Variants in RPS6KA5 observed in about 807,000 individuals in gnomAD.
RPS6KA5 encodes ribosomal protein S6 kinase alpha-5.
A neutral mutation model predicts 85.5 loss-of-function variants in RPS6KA5; 27 were observed. The ratio of observed to expected loss-of-function variants is 0.32; its 90% CI spans 0.23 to 0.44. The LOEUF is 0.44. Ranked by LOEUF, RPS6KA5 falls within the 20% of genes least tolerant of loss-of-function variation. The pLI is 1.00. For synonymous variants in RPS6KA5, 334 were observed against 348.2 expected, an observed-to-expected ratio of 0.96 and a Z score of 0.46; for missense variants, 811 against 980.9, an observed-to-expected ratio of 0.83 and a Z score of 2.31.
chr14:91,017,842 G>A (rs553424138), intron 1 of RPS6KA5, among the ~76,000 whole-genome samples: 2 of 152,344 alleles, frequency 1.3e-5, no homozygotes, highest in African/African-American at 4.8e-5. Flanking sequence ...TGAACTGGAA[G>A]TTAAGACTGC....
chr14:90,873,780 T>C lies in RPS6KA5; in HGVS notation c.2012A>G (p.Asp671Gly), dbSNP rs748949889. 1 of 1,613,960 alleles carries C rather than the reference T, an allele frequency of 6.2e-7. No individual in the cohort carries two copies. Among genetic ancestry groups the C allele is most frequent in the Non-Finnish European group, 8.5e-7 (1 of 1,179,930 alleles). Residue 671 changes from aspartate (D) to glycine (G), a missense_variant, in exon 16 of 17, where the codon GAT becomes GGT. Coordinates refer to ENST00000614987, the MANE Select transcript of RPS6KA5 (RefSeq NM_004755.4). ...KDLIQGLLTVDPNKRLKMSGL... is the reference protein window; with the variant it reads ...KDLIQGLLTVGPNKRLKMSGL... Reference sequence around the variant, plus strand: ...AGACATTTTAAGCCTTTTGTTTGGATCTACTGTGAGAAGTCCTTTGGGAAT... The same window carrying C: ...AGACATTTTAAGCCTTTTGTTTGGACCTACTGTGAGAAGTCCTTTGGGAAT...
In RPS6KA5 at chr14:90,871,276, C is replaced by T. The variant is rs2033092521; in HGVS notation, c.*798G>A. On this transcript the variant is annotated 3_prime_UTR_variant, in exon 17 of 17. Coordinates refer to ENST00000614987, the MANE Select transcript of RPS6KA5 (RefSeq NM_004755.4). Reference sequence around the variant, plus strand: ...AAAAATACAGTGCAAATGCTTTAAACAGTGCACTTTATAAAATAGTTTGCT... The same window carrying T: ...AAAAATACAGTGCAAATGCTTTAAATAGTGCACTTTATAAAATAGTTTGCT... 6.6e-6 allele frequency: 1 copy of T among 152,508 alleles called. No homozygotes were observed. The highest frequency in any genetic ancestry group is 2.4e-5 in the African/African-American group (1 of 41,428). The allele number at this position is 152,508 out of a possible 1,614,324, so 9.4% of individuals were successfully genotyped here.
chr14:91,040,694 T>A (rs2139886101), intron 1 of RPS6KA5, among the ~76,000 whole-genome samples: 1 of 152,080 alleles, frequency 6.6e-6, no homozygotes, highest in Non-Finnish European at 1.5e-5. Flanking sequence ...GTACCAATAT[T>A]TAAGGCACAA....
intron 14 of RPS6KA5, among the ~76,000 whole-genome samples, chr14:90,889,804 G>GGA (rs1343172249): frequency 3.9e-5 from 6 of 152,054 alleles, no homozygotes; most frequent in South Asian, 2.1e-4. Flanking sequence ...GGGGCTGAAG[G>GGA]GAGAGAGAGA....
intron 14 of RPS6KA5, among the ~76,000 whole-genome samples, chr14:90,880,709 G>A (rs539835640): frequency 1.3e-5 from 2 of 151,918 alleles, no homozygotes; most frequent in African/African-American, 4.8e-5. Flanking sequence ...GTCAGTTTTT[G>A]CTTCATGTAC....
chr14:91,054,655 A>T (rs2043236018), intron 1 of RPS6KA5, among the ~76,000 whole-genome samples: 1 of 150,120 alleles, frequency 6.7e-6, no homozygotes. Flanking sequence ...AAAAAAAAAA[A>T]TTAAAGACTT....
chr14:90,964,276 T>A (rs764637212), intron 3 of RPS6KA5, among the ~76,000 whole-genome samples: 1 of 152,202 alleles, frequency 6.6e-6, no homozygotes, highest in Non-Finnish European at 1.5e-5. Flanking sequence ...CGCCTTTTTT[T>A]ATTCCCTGAG....
At chr14:90,911,427 T>G (rs540397004) in intron 7 of RPS6KA5, 1 of 152,290 alleles carries the variant, frequency 6.6e-6, no homozygotes, top group East Asian at 1.9e-4. Context: ...TGTCCTCCAT[T>G]TAAAAGTTCA....
In RPS6KA5 at chr14:90,900,172, T is replaced by A. The variant is rs200091410; in HGVS notation, c.1315A>T (p.Ile439Phe). The part of the protein sequence containing the change: ...DKPLGEGSFS[I>F]CRKCVHKKSN... Reference sequence around the variant, plus strand: ...TTTTTATGCACACACTTTCGACAAATTGAAAAACTACCTTCTCCCAGGGGT... The same window carrying A: ...TTTTTATGCACACACTTTCGACAAAATGAAAAACTACCTTCTCCCAGGGGT... Residue 439 changes from isoleucine to phenylalanine, a missense_variant, in exon 11 of 17, where the codon ATT becomes TTT. Ile to Phe is a conservative substitution (Grantham distance 21). Coordinates refer to ENST00000614987, the MANE Select transcript of RPS6KA5 (RefSeq NM_004755.4). 6.2e-7 allele frequency: 1 copy of A among 1,606,428 alleles called. No individual in the cohort carries two copies.
At chr14:90,950,669 CTGATA>C (rs1288985069) in intron 3 of RPS6KA5, among the ~76,000 whole-genome samples, 5 of 152,242 alleles carry the variant, frequency 3.3e-5, no homozygotes, top group African/African-American at 1.2e-4. Context: ...CTTTATCCTG[CTGATA>C]TGATATATTA....
intron 5 of RPS6KA5, among the ~76,000 whole-genome samples, chr14:90,934,015 A>G (rs529280138): frequency 2.6e-5 from 4 of 152,180 alleles, no homozygotes; most frequent in Non-Finnish European, 5.9e-5. Context: ...TTGATTTCAA[A>G]GTGTAGCCTC....
intron 1 of RPS6KA5, among the ~76,000 whole-genome samples, chr14:91,020,613 A>AG (rs2041718734): frequency 3.9e-4 from 8 of 20,698 alleles, no homozygotes; most frequent in African/African-American, 1.0e-3. Flanking sequence ...TATATATCCT[A>AG]TTGTGTGTGT....
intron 5 of RPS6KA5, among the ~76,000 whole-genome samples, chr14:90,928,131 T>C (rs1227264636): frequency 6.6e-6 from 1 of 151,856 alleles, no homozygotes; most frequent in Admixed American, 6.6e-5. Flanking sequence ...AGTTTTGCTA[T>C]GTTGTCCAGG....
chr14:90,935,809 G>GAAA (rs2037223055), intron 5 of RPS6KA5, among the ~76,000 whole-genome samples: 3 of 152,102 alleles, frequency 2.0e-5, no homozygotes, highest in Non-Finnish European at 4.4e-5. Flanking sequence ...TTAATGATCT[G>GAAA]TTTTGAAAAT....
chr14:90,885,296 T>A (rs1390095562), intron 14 of RPS6KA5, among the ~76,000 whole-genome samples: 1 of 147,428 alleles, frequency 6.8e-6, no homozygotes, highest in Non-Finnish European at 1.5e-5. Flanking sequence ...CTCACACCTG[T>A]AATCCCAGCA....
intron 15 of RPS6KA5, among the ~76,000 whole-genome samples, chr14:90,874,510 C>T (rs1595096076): frequency 6.6e-6 from 1 of 152,110 alleles, no homozygotes; most frequent in African/African-American, 2.4e-5. Context: ...CAGACAGGAC[C>T]AGGTCATGAG....
In RPS6KA5 at chr14:90,872,104, G is replaced by T. The variant is rs774305241; in HGVS notation, c.2379C>A (p.Thr793=). ...SNPADSNNPE[T]LFQFSDSVA is the part of the protein sequence containing the mutation. ...CTACTGAGTCCGAGAACTGGAAGAG[G>T]GTCTCCGGGTTATTGCTGTCGGCAG... Residue 793 remains threonine, a synonymous_variant, in exon 17 of 17, where the codon ACC becomes ACA. Coordinates refer to ENST00000614987, the MANE Select transcript of RPS6KA5 (RefSeq NM_004755.4). 6.2e-7 allele frequency: 1 copy of T among 1,613,508 alleles called. No individual in the cohort carries two copies. Among genetic ancestry groups the T allele is most frequent in the South Asian group, 1.1e-5 (1 of 91,010 alleles).
intron 1 of RPS6KA5, among the ~76,000 whole-genome samples, chr14:91,033,104 A>G (rs1443360520): frequency 3.4e-5 from 5 of 147,918 alleles, no homozygotes; most frequent in Non-Finnish European, 7.5e-5. Flanking sequence ...GGAGAATGGC[A>G]TGAACCTGGG....
intron 4 of RPS6KA5, among the ~76,000 whole-genome samples, chr14:90,946,862 A>AT (rs2037897295): frequency 6.6e-6 from 1 of 152,220 alleles, no homozygotes; most frequent in Non-Finnish European, 1.5e-5. Flanking sequence ...TGATTGTTAC[A>AT]GTTTGCATAG....
Sources: allele counts gnomAD v4.1 joint callset (sites outside exome capture counted in the v4.1 genomes callset), GRCh38; gene constraint gnomAD v4.1.1; transcripts MANE v1.5; gene names NCBI Gene and HGNC (gene_info 2026-07-23, HGNC 2026-07-21).